The following PINX1 variants were observed in gnomAD, a reference collection of about 807,000 sequenced individuals.
PINX1 encodes PIN2 (TERF1) interacting telomerase inhibitor 1.
In PINX1, 34 loss-of-function variants were observed where a neutral mutation model predicts 25.4. The ratio of observed to expected loss-of-function variants is 1.34; its 90% CI spans 1.02 to 1.78. PINX1 has a LOEUF of 1.78. Among genes scored for constraint, PINX1 ranks in the 40% most tolerant of loss-of-function variants. PINX1 has a pLI of 0.00. For missense variants in PINX1, 592 were observed against 404.9 expected, an observed-to-expected ratio of 1.46 and a Z score of -3.97; for synonymous variants, 197 against 147.7, an observed-to-expected ratio of 1.33 and a Z score of -2.42.
intron 6 of PINX1, among the ~76,000 whole-genome samples, chr8:10,802,392 G>A (rs567813617): frequency 1.3e-5 from 2 of 152,278 alleles, no homozygotes; most frequent in Admixed American, 6.5e-5. Flanking sequence ...CAAGGTTGAC[G>A]TGTATGAAGA....
chr8:10,828,340 G>T (rs893576925), intron 4 of PINX1, among the ~76,000 whole-genome samples: 1 of 152,140 alleles, frequency 6.6e-6, no homozygotes, highest in African/African-American at 2.4e-5. Flanking sequence ...AGCTTAAAGC[G>T]GCTCCTACCG....
intron 6 of PINX1, among the ~76,000 whole-genome samples, chr8:10,773,557 C>A (rs531218557): frequency 3.3e-5 from 5 of 152,210 alleles, no homozygotes; most frequent in Non-Finnish European, 7.3e-5. Flanking sequence ...CTAGAAGGGA[C>A]AGAATAGCTT....
At chr8:10,789,262 T>C (rs1801847439) in intron 6 of PINX1, among the ~76,000 whole-genome samples, 1 of 152,250 alleles carries the variant, frequency 6.6e-6, no homozygotes, top group Non-Finnish European at 1.5e-5. Flanking sequence ...GGAGCCATGC[T>C]GGACGAGCAT....
chr8:10,782,780 G>A (rs1055693167), intron 6 of PINX1, among the ~76,000 whole-genome samples: 2 of 142,042 alleles, frequency 1.4e-5, no homozygotes, highest in African/African-American at 6.0e-5. Flanking sequence ...GGGTAGAAAT[G>A]GAAAATTTGA....
intron 6 of PINX1, among the ~76,000 whole-genome samples, chr8:10,809,758 T>A (rs1802568171): frequency 6.6e-6 from 1 of 152,270 alleles, no homozygotes; most frequent in African/African-American, 2.4e-5. Flanking sequence ...AAGGAGCTCG[T>A]CTTTGCTATG....
Position 10,839,850 on chromosome 8 carries a change from T to G in PINX1, c.-94A>C. The G allele has an allele frequency of 7.9e-7, 1 of 1,258,256 alleles. No individual in the cohort carries two copies. Among genetic ancestry groups the G allele is most frequent in the Non-Finnish European group, 1.1e-6 (1 of 901,068 alleles). 77.9% of individuals were successfully genotyped at this position (1,258,256 alleles called of 1,614,324 possible). ...CCAGGAGAATCAGGACGTGCGTAAC[T>G]CCCTCGCCGGCGGACTGCAGCGGAC... On this transcript the variant is annotated 5_prime_UTR_variant, in exon 1 of 7. Transcript: ENST00000314787.
rs1798233764 is a variant in PINX1 at position 10,831,762 on chromosome 8, T to C, written c.223-19A>G. On this transcript the variant is annotated intron_variant, in intron 3 of 6. Transcript: ENST00000314787. ...AGTTGTCCTGAAAATATCAAAGAAA[T>C]GAACGAGAGGTAAGCCTGTAGTTTA... 4 of 1,471,482 alleles carry C rather than the reference T, an allele frequency of 2.7e-6. No homozygotes were observed. The highest frequency in any genetic ancestry group is 2.3e-5 in the East Asian group (1 of 42,880). The allele number at this position is 1,471,482 out of a possible 1,614,324, so 91.2% of individuals were successfully genotyped here.
At chr8:10,815,577 C>A (rs1374153907) in intron 6 of PINX1, among the ~76,000 whole-genome samples, 1 of 152,032 alleles carries the variant, frequency 6.6e-6, no homozygotes, top group Non-Finnish European at 1.5e-5. Flanking sequence ...TTCGAAAATC[C>A]AATGAAAGCT....
At chr8:10,809,788 C>A (rs551785706) in intron 6 of PINX1, among the ~76,000 whole-genome samples, 1 of 152,262 alleles carries the variant, frequency 6.6e-6, no homozygotes, top group Non-Finnish European at 1.5e-5. Flanking sequence ...ACTTTATCAT[C>A]ACCATCCTCG....
At chr8:10,774,726 G>T (rs11250073) in intron 6 of PINX1, among the ~76,000 whole-genome samples, 97,282 of 152,080 alleles carry the variant, frequency 0.64, 32,350 homozygotes, top group African/African-American at 0.81. Flanking sequence ...AAAAAGTCTC[G>T]TCTTTCAATT....
intron 6 of PINX1, among the ~76,000 whole-genome samples, chr8:10,812,567 CAGTGCT>C (rs1431471885): frequency 6.6e-6 from 1 of 152,214 alleles, no homozygotes; most frequent in East Asian, 1.9e-4. Context: ...TTTCATCAGT[CAGTGCT>C]AGTTCTTCCT....
In PINX1 at chr8:10,765,253, G is replaced by A. The variant is rs753875451; in HGVS notation, c.*148C>T. On this transcript the variant is annotated 3_prime_UTR_variant, in exon 7 of 7. Coordinates refer to ENST00000314787, the MANE Select transcript of PINX1 (RefSeq NM_017884.6). ...GAATGTAACTTGGGGGAAATGTGGCGAGAGGGCAGGACTCGGCAGCCCATG... is the reference window on the plus strand; with the variant it reads ...GAATGTAACTTGGGGGAAATGTGGCAAGAGGGCAGGACTCGGCAGCCCATG... 21 of 626,548 alleles carry A rather than the reference G, an allele frequency of 3.4e-5. No individual in the cohort carries two copies. The highest frequency in any genetic ancestry group is 1.7e-4 in the African/African-American group (9 of 54,168). 38.8% of individuals were successfully genotyped at this position (626,548 alleles called of 1,614,324 possible). A position where few individuals can be genotyped will look rare whatever the true frequency, so the allele number is the denominator to read the frequency against.
At chr8:10,778,062 C>A (rs1043561522) in intron 6 of PINX1, among the ~76,000 whole-genome samples, 1 of 152,118 alleles carries the variant, frequency 6.6e-6, no homozygotes, top group Non-Finnish European at 1.5e-5. Flanking sequence ...CTTTGTTCTC[C>A]AACAAATAAC....
chr8:10,778,176 G>A (rs1801453740), intron 6 of PINX1, among the ~76,000 whole-genome samples: 1 of 151,956 alleles, frequency 6.6e-6, no homozygotes, highest in Non-Finnish European at 1.5e-5. Context: ...GACTAAGCAG[G>A]GAAATTTTAA....
chr8:10,774,828 G>C (rs1468049851), intron 6 of PINX1, among the ~76,000 whole-genome samples: 1 of 151,996 alleles, frequency 6.6e-6, no homozygotes, highest in South Asian at 2.1e-4. Flanking sequence ...AATATTTTTA[G>C]GAGTAAATTT....
chr8:10,831,153 G>A (rs544332040), intron 4 of PINX1, among the ~76,000 whole-genome samples: 1 of 152,356 alleles, frequency 6.6e-6, no homozygotes, highest in East Asian at 1.9e-4. Flanking sequence ...CAACATGGTT[G>A]AGTTTGGAGG....
chr8:10,806,311 G>C (rs974152552), intron 6 of PINX1, among the ~76,000 whole-genome samples: 3 of 152,212 alleles, frequency 2.0e-5, no homozygotes, highest in African/African-American at 7.2e-5. Flanking sequence ...GGAGCTCATG[G>C]ACGCACGTGT....
chr8:10,818,053 G>C (rs1477817609), intron 6 of PINX1, among the ~76,000 whole-genome samples: 2 of 152,174 alleles, frequency 1.3e-5, no homozygotes, highest in African/African-American at 4.8e-5. Context: ...AAGCTCATTA[G>C]GCAATGCCAG....
At chr8:10,817,204 C>T (rs565097809) in intron 6 of PINX1, among the ~76,000 whole-genome samples, 2 of 152,304 alleles carry the variant, frequency 1.3e-5, no homozygotes, top group South Asian at 2.1e-4. Flanking sequence ...CGCACTACCA[C>T]GGTTTCCAGG....
Sources: allele counts gnomAD v4.1 joint callset (sites outside exome capture counted in the v4.1 genomes callset), GRCh38; gene constraint gnomAD v4.1.1; transcripts MANE v1.5; gene names NCBI Gene and HGNC (gene_info 2026-07-23, HGNC 2026-07-21).